BRD4: variants seen among roughly 807,000 people sequenced by gnomAD.
BRD4 encodes the protein bromodomain containing 4.
Under a neutral mutation model 142.1 loss-of-function variants are expected in BRD4, and 16 were observed. The observed-to-expected ratio is 0.11, with a 90% CI of 0.08 to 0.17. BRD4 has a LOEUF of 0.17. Among genes scored for constraint, BRD4 ranks in the 10% least tolerant of loss-of-function variants. BRD4 has a pLI of 1.00. For synonymous variants in BRD4, 833 were observed against 707.5 expected (o/e 1.18, Z -2.82); for missense variants, 1,424 against 1,810.9 (o/e 0.79, Z 3.88).
intron 1 of BRD4, chr19:15,280,189 G>A (rs1376481171): frequency 2.1e-6 from 2 of 934,148 alleles, no homozygotes; most frequent in East Asian, 1.7e-4. Context: ...AGAGTGGATG[G>A]TGGCCTGGTT....
In BRD4 at chr19:15,249,302, G is replaced by A. The variant is rs1568380491; in HGVS notation, c.2159-4540C>T. 3.1e-6 allele frequency: 5 copies of A among 1,613,974 alleles called. No individual in the cohort carries two copies. In the East Asian group the frequency reaches 6.7e-5, roughly 22 times the overall value. On this transcript the variant is annotated intron_variant, in intron 11 of 19. Coordinates refer to ENST00000679869, the MANE Select transcript of BRD4 (RefSeq NM_001379291.1). ...TGATTAGGCAGGACCTACGTAGAGG[G>A]AGAGAGAAACCAGTGTGAGAGAAAT...
chr19:15,295,285 T>C (rs2145676042), intron 1 of BRD4, among the ~76,000 whole-genome samples: 1 of 152,346 alleles, frequency 6.6e-6, no homozygotes, highest in South Asian at 2.1e-4. Flanking sequence ...CTCTCACGGA[T>C]GCACTTGCTG....
intron 1 of BRD4, among the ~76,000 whole-genome samples, chr19:15,308,092 A>G (rs1374813224): frequency 7.4e-6 from 1 of 134,532 alleles, no homozygotes; most frequent in Non-Finnish European, 1.6e-5. Context: ...AGCCTGCACA[A>G]AAGAGTGAGT....
At chr19:15,327,009 C>T (rs181333071) in intron 1 of BRD4, among the ~76,000 whole-genome samples, 2 of 152,178 alleles carry the variant, frequency 1.3e-5, no homozygotes, top group Non-Finnish European at 2.9e-5. Flanking sequence ...AAAAACCAAA[C>T]GGTGACCAAA....
At chr19:15,322,341 G>C (rs1599529606) in intron 1 of BRD4, among the ~76,000 whole-genome samples, 1 of 151,866 alleles carries the variant, frequency 6.6e-6, no homozygotes, top group Non-Finnish European at 1.5e-5. Flanking sequence ...ACACGATCTC[G>C]GCTCACTGCA....
chr19:15,327,918 T>TGG (rs71176403), intron 1 of BRD4, among the ~76,000 whole-genome samples: 4,971 of 17,788 alleles, frequency 0.28, 1,219 homozygotes, highest in East Asian at 0.42. Flanking sequence ...GGATTTCTTT[T>TGG]GGGGGGGGGG....
At chr19:15,325,997 C>CAAAAAAAAAAA (rs35801340) in intron 1 of BRD4, among the ~76,000 whole-genome samples, 1 of 50,740 alleles carries the variant, frequency 2.0e-5, no homozygotes. Context: ...GACTCCGTCT[C>CAAAAAAAAAAA]AAAAAAAAAA....
intron 1 of BRD4, among the ~76,000 whole-genome samples, chr19:15,276,359 G>A (rs748038002): frequency 3.0e-4 from 45 of 152,108 alleles, no homozygotes; most frequent in African/African-American, 1.0e-3. Flanking sequence ...TTCCCACAGC[G>A]GTTCCCCCCA....
chr19:15,249,418 G>T, intron 11 of BRD4: 1 of 1,519,730 alleles, frequency 6.6e-7, no homozygotes. Context: ...GCACAAGAAC[G>T]GCACTGGAGA....
chr19:15,239,638 G>T lies in BRD4; in HGVS notation c.3445+21C>A, dbSNP rs200850373. The T allele has an allele frequency of 5.8e-6, 9 of 1,563,852 alleles. No individual in the cohort carries two copies. The South Asian group carries it at 1.0e-4, about 18-fold the overall frequency. ...GCCTCGGGGGGCCTGAGCCCTGGCT[G>T]TGGGCAGGGAGAGCACTCACGCTGG... On this transcript the variant is annotated intron_variant, in intron 16 of 19. Coordinates refer to ENST00000679869, the MANE Select transcript of BRD4 (RefSeq NM_001379291.1). This position sits in a 1 kb window ranked among gnomAD's most constrained non-coding sequence, Gnocchi z 7.4.
chr19:15,311,356 G>A (rs1352399994), intron 1 of BRD4, among the ~76,000 whole-genome samples: 2 of 152,106 alleles, frequency 1.3e-5, no homozygotes, highest in Non-Finnish European at 2.9e-5. Flanking sequence ...GTTCACTGCT[G>A]TATTATTCAC....
intron 11 of BRD4, chr19:15,248,664 C>T (rs2047313764): frequency 4.4e-6 from 1 of 227,404 alleles, no homozygotes; most frequent in African/African-American, 2.2e-5. Context: ...TCAGCGGTGG[C>T]TCGAGCCTTA....
chr19:15,275,396 C>G (rs1173015499), intron 1 of BRD4, among the ~76,000 whole-genome samples: 1 of 152,138 alleles, frequency 6.6e-6, no homozygotes, highest in Non-Finnish European at 1.5e-5. Context: ...AGTACCTGAC[C>G]CAGGAGTGGA....
At position 15,262,806 on chromosome 19, in the gene BRD4, CTTA is replaced by C. The variant is rs921970886; in HGVS notation, c.1341+611_1341+613del. Among the ~76,000 whole-genome samples, 10 of 152,238 alleles carry C rather than the reference CTTA, an allele frequency of 6.6e-5. No homozygotes were observed. The South Asian group carries it at 1.9e-3, about 28-fold the overall frequency. Reference sequence around the variant, plus strand: ...TATTCTCCAAAATTTTTAACCCAATCTTATTATTCAAAGAAAGTCATTTTTTAA... The same window carrying C: ...TATTCTCCAAAATTTTTAACCCAATCTTATTCAAAGAAAGTCATTTTTTAA... On this transcript the variant is annotated intron_variant, in intron 7 of 19. Transcript: ENST00000679869.
chr19:15,245,557 G>C (rs1479925583), intron 11 of BRD4, among the ~76,000 whole-genome samples: 3 of 152,184 alleles, frequency 2.0e-5, no homozygotes, highest in African/African-American at 7.2e-5. Flanking sequence ...GATGGGTCCA[G>C]GGTGTGTCTG....
Position 15,254,163 on chromosome 19 carries a change from T to A in BRD4, c.2147A>T (p.Asp716Val). 1 of 1,613,876 alleles carries A rather than the reference T, an allele frequency of 6.2e-7. No homozygotes were observed. The highest frequency in any genetic ancestry group is 8.5e-7 in the Non-Finnish European group (1 of 1,179,904). ...ACAAGTCACCTAACCTGTTTCGGAG[T>A]CTTCGCTGTCAGAGGAGCTGGACTC... Reference protein sequence around the residue: ...SSESSSSDSEDSETEMAPKSK... With the variant: ...SSESSSSDSEVSETEMAPKSK... Residue 716 changes from aspartate (D) to valine (V), a missense_variant, in exon 11 of 20, where the codon GAC (aspartate) becomes GTC (valine). Coordinates refer to ENST00000679869, the MANE Select transcript of BRD4 (RefSeq NM_001379291.1).
In BRD4 at chr19:15,281,887, G is replaced by A. The variant is rs554423885; in HGVS notation, c.-34-8754C>T. Among the ~76,000 whole-genome samples, 11 of 152,232 alleles carry A rather than the reference G, an allele frequency of 7.2e-5. No homozygotes were observed. In the South Asian group the frequency reaches 8.3e-4, roughly 11 times the overall value. On this transcript the variant is annotated intron_variant, in intron 1 of 19. Transcript: ENST00000679869. ...CAAAAAATTAGCCAGGCATGGCGGC[G>A]TGCACCTGTAGTCCCAGCTACTCAG...
At position 15,238,325 on chromosome 19, in the gene BRD4, G is replaced by A; in HGVS notation, c.*52C>T. ...CCTCCACCACCGCCCCTAACACTAT[G>A]GAAAGTCAATGTTTTGCCAGAAAAT... On this transcript the variant is annotated 3_prime_UTR_variant, in exon 20 of 20. Transcript: ENST00000679869. The surrounding 1 kb of genome is among the most constrained non-coding windows in gnomAD (Gnocchi z 7.2). 1.2e-6 allele frequency: 2 copies of A among 1,611,720 alleles called. No homozygotes were observed. The highest frequency in any genetic ancestry group is 1.7e-6 in the Non-Finnish European group (2 of 1,178,592).
chr19:15,330,046 C>T (rs2048143553), intron 1 of BRD4, among the ~76,000 whole-genome samples: 2 of 152,212 alleles, frequency 1.3e-5, no homozygotes, highest in South Asian at 4.1e-4. Context: ...ATATAGCACC[C>T]CAGAACAGCC....
Sources: gnomAD v4.1 joint callset for allele counts (sites outside exome capture counted in the v4.1 genomes callset) on GRCh38, gnomAD v4.1.1 for gene constraint, Gnocchi (gnomAD v3.1) non-coding constraint, MANE v1.5 for transcripts, NCBI Gene and HGNC (gene_info 2026-07-23, HGNC 2026-07-21) for gene names.